Variants in PRKACB observed in about 807,000 individuals in gnomAD.
The protein encoded by PRKACB is protein kinase cAMP-activated catalytic subunit beta, also known as cAMP-dependent protein kinase catalytic subunit beta.
PRKACB carries 16 observed loss-of-function variants against 51.4 expected under a neutral mutation model. The ratio of observed to expected loss-of-function variants is 0.31; its 90% CI spans 0.21 to 0.47. The LOEUF (loss-of-function observed/expected upper bound fraction) is 0.47. Among genes scored for constraint, PRKACB ranks in the 20% least tolerant of loss-of-function variants. The probability of loss-of-function intolerance (pLI) is 1.00; values close to 1 mark genes in which losing one functional copy is unlikely to be tolerated. For missense variants in PRKACB, 309 were observed against 464.5 expected, an observed-to-expected ratio of 0.67 and a Z score of 3.08; for synonymous variants, 147 against 154.4, an observed-to-expected ratio of 0.95 and a Z score of 0.35.
chr1:84,182,145 A>G, intron 2 of PRKACB, 55 bp from the exon 3 acceptor site: 2 of 1,240,900 alleles, frequency 1.6e-6, no homozygotes, highest in Admixed American at 5.2e-5. Context: ...AGCATTTATA[A>G]TTCCCATAGT....
intron 1 of PRKACB, among the ~76,000 whole-genome samples, chr1:84,147,252 G>A (rs188289298): frequency 1.3e-5 from 2 of 151,996 alleles, no homozygotes; most frequent in East Asian, 3.9e-4. Flanking sequence ...TTAAACAAAT[G>A]AGCAGTTTTG....
chr1:84,225,420 C>T (rs1674423166), intron 9 of PRKACB, among the ~76,000 whole-genome samples: 1 of 152,094 alleles, frequency 6.6e-6, no homozygotes, highest in South Asian at 2.1e-4. Context: ...CCTGCTTGTT[C>T]TTTGGAGTAT....
intron 1 of PRKACB, among the ~76,000 whole-genome samples, chr1:84,108,739 T>C (rs1649983609): frequency 6.6e-6 from 1 of 152,038 alleles, no homozygotes; most frequent in Non-Finnish European, 1.5e-5. Flanking sequence ...TTTAAGAACC[T>C]GCCCTAGTAA....
intron 1 of PRKACB, among the ~76,000 whole-genome samples, chr1:84,094,933 T>C (rs1648809579): frequency 6.6e-6 from 1 of 152,016 alleles, no homozygotes; most frequent in African/African-American, 2.4e-5. Flanking sequence ...ATTTTTAATG[T>C]ACTTTTTATA....
In PRKACB at chr1:84,089,078, A is replaced by G. The variant is rs186575869; in HGVS notation, c.46+10707A>G. On this transcript the variant is annotated intron_variant, in intron 1 of 8. Coordinates refer to the PRKACB transcript ENST00000370688. ...TGCTTTTTCAACTCTTATACCCACT[A>G]CAGTGTGATCTGGCAAAGCAGTGTC... 1.4e-3 allele frequency among the ~76,000 whole-genome samples: 212 copies of G among 152,240 alleles called. 1 individual carries two copies. The highest frequency in any genetic ancestry group is 4.7e-3 in the African/African-American group (196 of 41,544).
chr1:84,129,450 A>C (rs1353378824), intron 1 of PRKACB, among the ~76,000 whole-genome samples: 4 of 152,146 alleles, frequency 2.6e-5, no homozygotes, highest in African/African-American at 9.7e-5. Flanking sequence ...TTTTTAAAGA[A>C]ATGTATGCAT....
intron 5 of PRKACB, among the ~76,000 whole-genome samples, chr1:84,191,403 C>T (rs977020379): frequency 6.6e-5 from 10 of 151,992 alleles, no homozygotes. Context: ...TGCTGATGCA[C>T]CTGATGGAAT....
chr1:84,130,516 GA>G (rs1286371590), intron 1 of PRKACB, among the ~76,000 whole-genome samples: 2 of 152,126 alleles, frequency 1.3e-5, no homozygotes, highest in Non-Finnish European at 2.9e-5. Context: ...AGAGCCTTAA[GA>G]ATCTGTAAAA....
chr1:84,102,982 T>C (rs1427979569), intron 1 of PRKACB, among the ~76,000 whole-genome samples: 1 of 152,176 alleles, frequency 6.6e-6, no homozygotes, highest in Non-Finnish European at 1.5e-5. Context: ...ACTTGTCTCT[T>C]TAGTTCACAA....
chr1:84,124,719 T>TGTG (rs1471709389), intron 1 of PRKACB, among the ~76,000 whole-genome samples: 1 of 152,208 alleles, frequency 6.6e-6, no homozygotes, highest in Non-Finnish European at 1.5e-5. Context: ...GCACCATTTC[T>TGTG]GTGGTGGTAG....
At chr1:84,192,480 T>C (rs1050008407) in intron 5 of PRKACB, among the ~76,000 whole-genome samples, 1 of 151,822 alleles carries the variant, frequency 6.6e-6, no homozygotes, top group African/African-American at 2.4e-5. Context: ...ATTTTCTTTT[T>C]TATCTGATGA....
chr1:84,119,741 A>G (rs368745758), intron 1 of PRKACB, among the ~76,000 whole-genome samples: 2 of 152,170 alleles, frequency 1.3e-5, no homozygotes, highest in East Asian at 3.8e-4. Flanking sequence ...GTACACACAT[A>G]CATAGGCACA....
At chr1:84,080,229 A>G (rs1049078008) in intron 1 of PRKACB, among the ~76,000 whole-genome samples, 15 of 152,262 alleles carry the variant, frequency 9.9e-5, no homozygotes, top group Admixed American at 8.5e-4. Flanking sequence ...TGTGACCTGT[A>G]TATTTTTTAT....
At chr1:84,193,455 G>C (rs2101137033) in intron 5 of PRKACB, among the ~76,000 whole-genome samples, 1 of 152,286 alleles carries the variant, frequency 6.6e-6, no homozygotes, top group African/African-American at 2.4e-5. Flanking sequence ...TACAATGCAA[G>C]GTATCCACAC....
At chr1:84,136,490 C>CACA (rs1553163970) in intron 1 of PRKACB, among the ~76,000 whole-genome samples, 3 of 146,650 alleles carry the variant, frequency 2.0e-5, no homozygotes, top group African/African-American at 7.5e-5. Context: ...ACGGCCAAAA[C>CACA]CACACACACA....
chr1:84,164,537 A>C (rs1246059240), intron 1 of PRKACB: 1 of 1,460,274 alleles, frequency 6.8e-7, no homozygotes, highest in Non-Finnish European at 9.3e-7. Context: ...CTCTAAAATA[A>C]AAAGGTATTT....
intron 1 of PRKACB, among the ~76,000 whole-genome samples, chr1:84,162,537 ATTTGATC>A: frequency 6.6e-6 from 1 of 151,726 alleles, no homozygotes; most frequent in Non-Finnish European, 1.5e-5. Context: ...CAGTTCACTG[ATTTGATC>A]TTTTGCTCTT....
At chr1:84,087,688 T>C (rs1288374166) in intron 1 of PRKACB, among the ~76,000 whole-genome samples, 4 of 152,114 alleles carry the variant, frequency 2.6e-5, no homozygotes, top group Non-Finnish European at 4.4e-5. Flanking sequence ...GTTTTTTTAC[T>C]CTTGATAGGT....
intron 1 of PRKACB, among the ~76,000 whole-genome samples, chr1:84,095,052 A>T (rs6669045): frequency 0.38 from 58,157 of 151,664 alleles, 12,294 homozygotes; most frequent in Non-Finnish European, 0.49. Flanking sequence ...TATAGCTTAG[A>T]TATGTAGTAA....
Sources: gnomAD v4.1 joint callset for allele counts (sites outside exome capture counted in the v4.1 genomes callset) on GRCh38, gnomAD v4.1.1 for gene constraint, MANE v1.5 for transcripts, NCBI Gene and HGNC (gene_info 2026-07-23, HGNC 2026-07-21) for gene names.